PINX1: variants seen among roughly 807,000 people sequenced by gnomAD.
The protein encoded by PINX1 is PIN2 (TERF1) interacting telomerase inhibitor 1.
A neutral mutation model predicts 25.4 loss-of-function variants in PINX1; 34 were observed. The ratio of observed to expected loss-of-function variants is 1.34; its 90% CI spans 1.02 to 1.78. PINX1 has a LOEUF of 1.78. PINX1 is among the 40% of genes most tolerant of loss of function. The probability of loss-of-function intolerance (pLI) is 0.00; values close to 1 mark genes in which losing one functional copy is unlikely to be tolerated. For synonymous variants in PINX1, 197 were observed against 147.7 expected (o/e 1.33, Z -2.42); for missense variants, 592 against 404.9 (o/e 1.46, Z -3.97).
At chr8:10,771,710 C>G (rs1054146907) in intron 6 of PINX1, among the ~76,000 whole-genome samples, 1 of 152,204 alleles carries the variant, frequency 6.6e-6, no homozygotes, top group African/African-American at 2.4e-5. Flanking sequence ...TCAGTACGAA[C>G]TTGTCTGCAC....
chr8:10,838,426 A>C (rs1490169173), intron 1 of PINX1, among the ~76,000 whole-genome samples: 1 of 152,224 alleles, frequency 6.6e-6, no homozygotes, highest in Non-Finnish European at 1.5e-5. Flanking sequence ...AGCATTTTAC[A>C]CCTCTATACT....
At chr8:10,788,184 C>G (rs902685677) in intron 6 of PINX1, among the ~76,000 whole-genome samples, 1 of 152,144 alleles carries the variant, frequency 6.6e-6, no homozygotes, top group Non-Finnish European at 1.5e-5. Context: ...CATTGTTAAG[C>G]TGGGTACTGG....
Position 10,772,970 on chromosome 8 carries a change from A to C in PINX1, c.472-7054T>G, listed in dbSNP as rs1801276652. 2.6e-5 allele frequency among the ~76,000 whole-genome samples: 4 copies of C among 152,116 alleles called. No homozygotes were observed. In the South Asian group the frequency reaches 8.3e-4, roughly 32 times the overall value. On this transcript the variant is annotated intron_variant, in intron 6 of 6. Transcript: ENST00000314787. ...CATTTCTAAATGGTTAGGAGGAAAC[A>C]AAAAACTATTTTATGACATGTAAAA...
chr8:10,834,762 C>T lies in PINX1; in HGVS notation c.33G>A (p.Gln11=), dbSNP rs754807394. 3 of 1,612,982 alleles carry T rather than the reference C, an allele frequency of 1.9e-6. No homozygotes were observed. Among genetic ancestry groups the T allele is most frequent in the South Asian group, 2.2e-5 (2 of 90,866 alleles). Residue 11 remains glutamine, a synonymous_variant, in exon 2 of 7, where the codon CAG becomes CAA. Coordinates refer to ENST00000314787, the MANE Select transcript of PINX1 (RefSeq NM_017884.6). ...TGTTCTGAGGATCCACAGCCCACTT[C>T]TGCTTCCGCCGACCTGTAAATGAAA... MSMLAERRRK[Q]KWAVDPQNTA... is the part of the protein sequence containing the mutation.
Position 10,831,124 on chromosome 8 carries a change from G to C in PINX1, c.301+541C>G, listed in dbSNP as rs1798215021. ...ATACTATTTACCCTTACGAAAGAATGAGAGTTTTTCATTTGAGGCAACATG... is the reference window on the plus strand; with the variant it reads ...ATACTATTTACCCTTACGAAAGAATCAGAGTTTTTCATTTGAGGCAACATG... On this transcript the variant is annotated intron_variant, in intron 4 of 6. Transcript: ENST00000314787. Among the ~76,000 whole-genome samples the C allele has an allele frequency of 2.0e-5, 3 of 152,234 alleles. No homozygotes were observed. In the South Asian group the frequency reaches 6.2e-4, roughly 32 times the overall value.
At chr8:10,801,878 T>G (rs1023399227) in intron 6 of PINX1, among the ~76,000 whole-genome samples, 4 of 152,122 alleles carry the variant, frequency 2.6e-5, no homozygotes, top group Admixed American at 2.6e-4. Flanking sequence ...ACGGGTATCG[T>G]CCTGGCCCCA....
chr8:10,800,864 T>C (rs545104977), intron 6 of PINX1, among the ~76,000 whole-genome samples: 1 of 152,276 alleles, frequency 6.6e-6, no homozygotes, highest in African/African-American at 2.4e-5. Flanking sequence ...ACCATACCAC[T>C]TGATCCAGGC....
At chr8:10,794,250 A>G (rs1197531669) in intron 6 of PINX1, among the ~76,000 whole-genome samples, 3 of 152,228 alleles carry the variant, frequency 2.0e-5, no homozygotes, top group Non-Finnish European at 4.4e-5. Flanking sequence ...TTTAAATTAC[A>G]ATTTTTTAAA....
At chr8:10,800,097 T>C (rs1182432695) in intron 6 of PINX1, among the ~76,000 whole-genome samples, 3 of 152,334 alleles carry the variant, frequency 2.0e-5, no homozygotes, top group South Asian at 2.1e-4. Context: ...GTCTTTAGGA[T>C]TGTTTTCCTT....
rs1260321164 is a variant in PINX1 at position 10,765,290 on chromosome 8, A to G, written c.*111T>C. 15 of 1,042,246 alleles carry G rather than the reference A, an allele frequency of 1.4e-5. No homozygotes were observed. The highest frequency in any genetic ancestry group is 2.9e-5 in the Admixed American group (1 of 34,028). The allele number at this position is 1,042,246 out of a possible 1,614,324, so 64.6% of individuals were successfully genotyped here. A position where few individuals can be genotyped will look rare whatever the true frequency, so the allele number is the denominator to read the frequency against. The stretch of plus-strand genomic sequence containing the variant: ...CTCGGCAGCCCATGGGCATGCCACA[A>G]GATGCGCCCAGGCGCTCTGGGGTGA... On this transcript the variant is annotated 3_prime_UTR_variant, in exon 7 of 7. Coordinates refer to ENST00000314787, the MANE Select transcript of PINX1 (RefSeq NM_017884.6).
intron 4 of PINX1, among the ~76,000 whole-genome samples, chr8:10,827,614 G>A (rs751653748): frequency 6.6e-6 from 1 of 151,726 alleles, no homozygotes; most frequent in Non-Finnish European, 1.5e-5. Context: ...TAGAGAAACT[G>A]GAAAAAAAGC....
chr8:10,834,701 G>A lies in PINX1; in HGVS notation c.94C>T (p.Arg32Trp), dbSNP rs751184791. 5.3e-5 allele frequency: 86 copies of A among 1,613,312 alleles called. No individual in the cohort carries two copies. The highest frequency in any genetic ancestry group is 6.7e-5 in the Non-Finnish European group (79 of 1,179,668). The change falls in exon 2 of 7, where the codon CGG (arginine) becomes TGG (tryptophan). Residue 32 changes from arginine (R) to tryptophan (W), a missense_variant. Coordinates refer to ENST00000314787, the MANE Select transcript of PINX1 (RefSeq NM_017884.6). Reference sequence around the variant, plus strand: ...GACCACCCCATCTTCTCTAGCATCCGCTGGCCAAACTTGGAATCGTCATTA... The same window carrying A: ...GACCACCCCATCTTCTCTAGCATCCACTGGCCAAACTTGGAATCGTCATTA... ...WSNDDSKFGQ[R>W]MLEKMGWSKG...
At chr8:10,838,665 T>A (rs779100033) in intron 1 of PINX1, among the ~76,000 whole-genome samples, 1 of 152,182 alleles carries the variant, frequency 6.6e-6, no homozygotes, top group Non-Finnish European at 1.5e-5. Context: ...TAACCCTGAC[T>A]CCTCATTTTT....
chr8:10,786,354 A>C (rs1279548078), intron 6 of PINX1, among the ~76,000 whole-genome samples: 2 of 152,156 alleles, frequency 1.3e-5, no homozygotes, highest in African/African-American at 4.8e-5. Context: ...CTACAACACC[A>C]AGTAGCGTGG....
rs994531987 is a variant in PINX1 at position 10,819,211 on chromosome 8, T to G, written c.471+982A>C. On this transcript the variant is annotated intron_variant, in intron 6 of 6. Transcript: ENST00000314787. ...GTCCCAATCTGCACAGGGAATCATC[T>G]AATGAGACTTCTAACCACTGGTAAT... 2.0e-5 allele frequency among the ~76,000 whole-genome samples: 3 copies of G among 152,258 alleles called. No homozygotes were observed. In the East Asian group the frequency reaches 5.8e-4, roughly 29 times the overall value.
Position 10,832,987 on chromosome 8 carries a change from G to A in PINX1, c.130-3C>T, listed in dbSNP as rs1436214514. On this transcript the variant is annotated splice_region_variant and splice_polypyrimidine_tract_variant and intron_variant, in intron 2 of 6. Transcript: ENST00000314787. ...CCTTGCTCCTGAGCCCCTAAACCCT[G>A]TGGAGATTAAACACAGAGAGTTAGA... 6.3e-7 allele frequency: 1 copy of A among 1,592,394 alleles called. No individual in the cohort carries two copies. The highest frequency in any genetic ancestry group is 1.1e-5 in the South Asian group (1 of 88,606).
At chr8:10,812,055 T>G in intron 6 of PINX1, among the ~76,000 whole-genome samples, 1 of 152,128 alleles carries the variant, frequency 6.6e-6, no homozygotes, top group East Asian at 1.9e-4. Context: ...CAGATAAAAT[T>G]GGAACACCCT....
intron 3 of PINX1, 63 bp from the exon 4 acceptor site, chr8:10,831,806 A>T: frequency 1.1e-6 from 1 of 908,662 alleles, no homozygotes; most frequent in South Asian, 1.5e-5. Flanking sequence ...GACTGAGATG[A>T]TACATTTTGG....
intron 6 of PINX1, among the ~76,000 whole-genome samples, chr8:10,769,223 G>T (rs1222150430): frequency 6.6e-6 from 1 of 152,100 alleles, no homozygotes; most frequent in East Asian, 1.9e-4. Context: ...AATGCTTGCT[G>T]TTCAGCTAAA....
Sources: gnomAD v4.1 joint callset for allele counts (sites outside exome capture counted in the v4.1 genomes callset) on GRCh38, gnomAD v4.1.1 for gene constraint, MANE v1.5 for transcripts, NCBI Gene and HGNC (gene_info 2026-07-23, HGNC 2026-07-21) for gene names.